The following GRK5 variants were observed in gnomAD, a reference collection of about 807,000 sequenced individuals.
The protein encoded by GRK5 is g protein-coupled receptor kinase GRK5.
Under a neutral mutation model 78.4 loss-of-function variants are expected in GRK5, and 40 were observed. The ratio of observed to expected loss-of-function variants is 0.51; its 90% confidence interval spans 0.40 to 0.66. GRK5 has a LOEUF of 0.66. Ranked by LOEUF, GRK5 falls within the 30% of genes least tolerant of loss-of-function variation. The pLI is 0.00. For synonymous variants in GRK5, 289 were observed against 296.8 expected (o/e 0.97, Z 0.27); for missense variants, 598 against 759.9 (o/e 0.79, Z 2.50).
chr10:119,360,472 T>C (rs1851342587), intron 2 of GRK5, among the ~76,000 whole-genome samples: 1 of 131,294 alleles, frequency 7.6e-6, no homozygotes, highest in Admixed American at 7.5e-5. Context: ...GAGGAGTCTG[T>C]GTGAGTGGGA....
In GRK5 at chr10:119,431,599, C is replaced by G; in HGVS notation, c.738+72C>G. 1 of 1,540,222 alleles carries G rather than the reference C, an allele frequency of 6.5e-7. No homozygotes were observed. The highest frequency in any genetic ancestry group is 8.8e-7 in the Non-Finnish European group (1 of 1,135,490). On this transcript the variant is annotated intron_variant, in intron 8 of 15. Coordinates refer to ENST00000392870, the MANE Select transcript of GRK5 (RefSeq NM_005308.3). This position sits in a 1 kb window ranked among gnomAD's most constrained non-coding sequence, Gnocchi z 4.8. ...TGGGGCTTCCCTCCCTCCGGAAGGG[C>G]GTGGTCCTCTAATGCGGCCGGTCCC... is the stretch of plus-strand genomic sequence containing the variant.
chr10:119,421,353 G>A (rs1381807023), intron 4 of GRK5, among the ~76,000 whole-genome samples: 9 of 152,222 alleles, frequency 5.9e-5, no homozygotes, highest in African/African-American at 2.2e-4. Context: ...AGAGGCACAA[G>A]CCCCCAGTTG....
At chr10:119,423,513 A>G (rs762883946) in intron 5 of GRK5, among the ~76,000 whole-genome samples, 1 of 152,236 alleles carries the variant, frequency 6.6e-6, no homozygotes, top group Non-Finnish European at 1.5e-5. Context: ...AGACAGAGGA[A>G]TGTGCAAACA....
At chr10:119,376,390 T>G (rs1851621451) in intron 2 of GRK5, among the ~76,000 whole-genome samples, 1 of 152,106 alleles carries the variant, frequency 6.6e-6, no homozygotes, top group African/African-American at 2.4e-5. Context: ...ACGTGTTGAG[T>G]TCAAGAAGAT....
intron 2 of GRK5, among the ~76,000 whole-genome samples, chr10:119,371,462 T>C (rs1851546365): frequency 6.6e-6 from 1 of 152,280 alleles, no homozygotes; most frequent in Non-Finnish European, 1.5e-5. Context: ...TTTATTTATC[T>C]TAACTATCAA....
intron 1 of GRK5, among the ~76,000 whole-genome samples, chr10:119,251,136 A>G (rs1849192504): frequency 6.6e-6 from 1 of 152,100 alleles, no homozygotes; most frequent in Admixed American, 6.5e-5. Context: ...ATTAAGAAAC[A>G]ACAACAAAAC....
rs1014492360 is a variant in GRK5 at position 119,379,484 on chromosome 10, C to T, written c.149-1331C>T. ...CAGCGCAGTGGTTGTGTTCATATCC[C>T]CTTGTTGCCTGGCGTATCTCAAGAG... On this transcript the variant is annotated intron_variant, in intron 2 of 15. Transcript: ENST00000392870. The surrounding 1 kb of genome is among the most constrained non-coding windows in gnomAD (Gnocchi z 4.1). 5.3e-5 allele frequency among the ~76,000 whole-genome samples: 8 copies of T among 152,156 alleles called. No individual in the cohort carries two copies. The highest frequency in any genetic ancestry group is 1.9e-4 in the African/African-American group (8 of 41,424).
At chr10:119,308,044 C>T (rs1219921130) in intron 1 of GRK5, among the ~76,000 whole-genome samples, 3 of 152,174 alleles carry the variant, frequency 2.0e-5, no homozygotes, top group Non-Finnish European at 2.9e-5. Context: ...CTCCAGGCAT[C>T]GTCCTTGGTC....
intron 10 of GRK5, 62 bp from the exon 11 acceptor site, chr10:119,441,937 C>A: frequency 7.3e-7 from 1 of 1,377,664 alleles, no homozygotes; most frequent in Non-Finnish European, 1.0e-6. Flanking sequence ...CAAGGGCACA[C>A]AGCAAGGCCG....
intron 2 of GRK5, among the ~76,000 whole-genome samples, chr10:119,374,518 A>G (rs1220517103): frequency 6.6e-6 from 1 of 152,188 alleles, no homozygotes; most frequent in African/African-American, 2.4e-5. Flanking sequence ...TTGGCTGACA[A>G]CTTGGCAAGT....
chr10:119,220,401 G>A (rs1389452946), intron 1 of GRK5, among the ~76,000 whole-genome samples: 4 of 152,170 alleles, frequency 2.6e-5, no homozygotes, highest in South Asian at 4.1e-4. Context: ...GGAGAAACCC[G>A]ATTTCCTTGG....
At chr10:119,389,241 G>A (rs1851847622) in intron 3 of GRK5, among the ~76,000 whole-genome samples, 1 of 152,200 alleles carries the variant, frequency 6.6e-6, no homozygotes, top group Non-Finnish European at 1.5e-5. Flanking sequence ...CTATCACCTG[G>A]CTTTAGATGT....
At chr10:119,243,896 AGTT>A (rs967438845) in intron 1 of GRK5, among the ~76,000 whole-genome samples, 4 of 152,222 alleles carry the variant, frequency 2.6e-5, no homozygotes, top group African/African-American at 9.6e-5. Flanking sequence ...TAGATTTTAT[AGTT>A]GTTTTCAATG....
rs1376595102 is a variant in GRK5, at chr10:119,335,175, T to TCC, written c.148+8568_148+8569dup. Among the ~76,000 whole-genome samples, 33 of 113,214 alleles carry TCC rather than the reference T, an allele frequency of 2.9e-4. 1 individual carries two copies. The highest frequency in any genetic ancestry group is 5.3e-4 in the African/African-American group (14 of 26,252). The allele number at this position is 113,214 out of a possible 152,430, so 74.3% of individuals were successfully genotyped here. On this transcript the variant is annotated intron_variant, in intron 2 of 15. Transcript: ENST00000392870. Reference sequence around the variant, plus strand: ...CTCTCTCTCTCTCTCTCTCTCTCTCTCCCCCTCTCCCTCTCCCCCCACCTC... The same window carrying TCC: ...CTCTCTCTCTCTCTCTCTCTCTCTCTCCCCCCCTCTCCCTCTCCCCCCACCTC...
At chr10:119,450,324 C>T (rs1853249187) in intron 13 of GRK5, among the ~76,000 whole-genome samples, 2 of 152,190 alleles carry the variant, frequency 1.3e-5, no homozygotes, top group Admixed American at 1.3e-4. Flanking sequence ...ATTCCTCTAC[C>T]TTCCAGCACA....
chr10:119,307,214 G>A (rs1850286172), intron 1 of GRK5, among the ~76,000 whole-genome samples: 2 of 152,090 alleles, frequency 1.3e-5, no homozygotes, highest in South Asian at 4.1e-4. Context: ...CACACAGCTA[G>A]TAAATTACAT....
chr10:119,346,490 C>G (rs1397032589), intron 2 of GRK5, among the ~76,000 whole-genome samples: 1 of 152,218 alleles, frequency 6.6e-6, no homozygotes, highest in South Asian at 2.1e-4. Flanking sequence ...GAGATTAAAT[C>G]CACTCATGCC....
intron 1 of GRK5, among the ~76,000 whole-genome samples, chr10:119,283,838 C>A (rs1386344079): frequency 6.6e-6 from 1 of 152,210 alleles, no homozygotes; most frequent in Non-Finnish European, 1.5e-5. Context: ...ATAACTCTGG[C>A]AAGAGAATGT....
chr10:119,320,065 G>A (rs1476758332), intron 1 of GRK5, among the ~76,000 whole-genome samples: 5 of 152,226 alleles, frequency 3.3e-5, no homozygotes, highest in African/African-American at 1.2e-4. Context: ...AGCATGAGAA[G>A]GGACACTAGA....
Sources: allele counts gnomAD v4.1 joint callset (sites outside exome capture counted in the v4.1 genomes callset), GRCh38; gene constraint gnomAD v4.1.1; non-coding constraint Gnocchi (gnomAD v3.1); transcripts MANE v1.5; gene names NCBI Gene and HGNC (gene_info 2026-07-23, HGNC 2026-07-21).